The following FBLN1 variants were observed in gnomAD, a reference collection of about 807,000 sequenced individuals.
The protein encoded by FBLN1 is fibulin-1.
FBLN1 carries 34 observed loss-of-function variants against 89.7 expected under a neutral mutation model. The observed-to-expected ratio is 0.38, with a 90% CI of 0.29 to 0.50. FBLN1 has a LOEUF of 0.50. Ranked by LOEUF, FBLN1 falls within the 20% of genes least tolerant of loss-of-function variation. FBLN1 has a pLI of 0.92. For synonymous variants in FBLN1, 393 were observed against 391.3 expected (o/e 1.00, Z -0.05); for missense variants, 777 against 988.1 (o/e 0.79, Z 2.86).
intron 16 of FBLN1, among the ~76,000 whole-genome samples, chr22:45,586,143 G>A (rs772838870): frequency 5.3e-5 from 8 of 152,228 alleles, no homozygotes; most frequent in Non-Finnish European, 8.8e-5. Flanking sequence ...GGACAGCCTG[G>A]GCTGGACCTG....
In FBLN1 at chr22:45,517,672, C is replaced by T. The variant is rs55800403; in HGVS notation, c.80-1010C>T. 1.5e-3 allele frequency: 721 copies of T among 468,348 alleles called. 5 individuals carry two copies. The highest frequency in any genetic ancestry group is 0.013 in the African/African-American group (638 of 50,056). 29.0% of individuals were successfully genotyped at this position (468,348 alleles called of 1,614,324 possible). A position where few individuals can be genotyped will look rare whatever the true frequency, so the allele number is the denominator to read the frequency against. ...CCTCACCAGACTTCTCACAGGTCCC[C>T]GTTTCTGTGGAAGAGGGGATCTTGT... On this transcript the variant is annotated intron_variant, in intron 1 of 16. Coordinates refer to ENST00000327858, the MANE Select transcript of FBLN1 (RefSeq NM_006486.3).
At chr22:45,571,500 G>A (rs1470103477) in intron 14 of FBLN1, among the ~76,000 whole-genome samples, 2 of 152,174 alleles carry the variant, frequency 1.3e-5, no homozygotes, top group Non-Finnish European at 1.5e-5. Context: ...CGAATAGGGA[G>A]AGCATATCAA....
intron 1 of FBLN1, chr22:45,503,548 C>T (rs1279144644): frequency 6.6e-6 from 1 of 152,380 alleles, no homozygotes; most frequent in East Asian, 1.9e-4. Flanking sequence ...GGGTGGGAAG[C>T]AGTCTTTTCC....
chr22:45,528,592 G>A (rs1215499406), intron 4 of FBLN1, among the ~76,000 whole-genome samples: 1 of 152,100 alleles, frequency 6.6e-6, no homozygotes, highest in Non-Finnish European at 1.5e-5. Context: ...TAATCCACCT[G>A]CCTCAGCTTC....
Position 45,536,479 on chromosome 22 carries a change from C to G in FBLN1, c.922+1142C>G, listed in dbSNP as rs777120745. ...TAGTTCACCACAATGAGAAAAGAAA[C>G]TCTGGCCAGGCACGGTGGCTCACAC... On this transcript the variant is annotated intron_variant, in intron 8 of 16. Transcript: ENST00000327858. This position sits in a 1 kb window ranked among gnomAD's most constrained non-coding sequence, Gnocchi z 5.1. Among the ~76,000 whole-genome samples, 16 of 152,078 alleles carry G rather than the reference C, an allele frequency of 1.1e-4. No homozygotes were observed. Among genetic ancestry groups the G allele is most frequent in the East Asian group, 1.9e-4 (1 of 5,160 alleles).
At chr22:45,587,954 C>G (rs2089102808) in intron 16 of FBLN1, among the ~76,000 whole-genome samples, 1 of 152,108 alleles carries the variant, frequency 6.6e-6, no homozygotes, top group African/African-American at 2.4e-5. Flanking sequence ...TACTCATTCT[C>G]CCAACGAGTA....
rs2089130707 is a variant in FBLN1 at position 45,590,888 on chromosome 22, T to G, written c.1973-9419T>G. The stretch of plus-strand genomic sequence containing the variant: ...CGTGCTTGGATTTGAATTGTCCATC[T>G]GGGAGGGGCGTCTGGAGAAATTGGA... On this transcript the variant is annotated intron_variant, in intron 16 of 16. Transcript: ENST00000327858. The surrounding 1 kb of genome is among the most constrained non-coding windows in gnomAD (Gnocchi z 4.1). Among the ~76,000 whole-genome samples the G allele has an allele frequency of 6.6e-6, 1 of 151,960 alleles. No individual in the cohort carries two copies. The highest frequency in any genetic ancestry group is 2.4e-5 in the African/African-American group (1 of 41,366).
In FBLN1 at chr22:45,590,972, G is replaced by A. The variant is rs959828725; in HGVS notation, c.1973-9335G>A. The stretch of plus-strand genomic sequence containing the variant: ...GACCCCACCCAGCAGGTAGGTGGGT[G>A]GAGGCTGAGGTCGGCTCAGGAGACA... On this transcript the variant is annotated intron_variant, in intron 16 of 16. Coordinates refer to ENST00000327858, the MANE Select transcript of FBLN1 (RefSeq NM_006486.3). The surrounding 1 kb of genome is among the most constrained non-coding windows in gnomAD (Gnocchi z 4.1). 3.9e-5 allele frequency among the ~76,000 whole-genome samples: 6 copies of A among 152,274 alleles called. No homozygotes were observed. The highest frequency in any genetic ancestry group is 1.9e-4 in the East Asian group (1 of 5,166).
chr22:45,555,541 G>T (rs375775716), intron 14 of FBLN1, among the ~76,000 whole-genome samples: 2 of 152,062 alleles, frequency 1.3e-5, no homozygotes, highest in Admixed American at 6.6e-5. Context: ...TGCTGTAGCC[G>T]TGCTGGCAGC....
intron 11 of FBLN1, among the ~76,000 whole-genome samples, chr22:45,546,294 T>C (rs951463577): frequency 1.3e-5 from 2 of 152,246 alleles, no homozygotes; most frequent in Non-Finnish European, 2.9e-5. Context: ...CTTGGCTCAC[T>C]GCAACCTCTG....
In FBLN1 at chr22:45,575,621, G is replaced by A. The variant is rs1337142891; in HGVS notation, c.1840+968G>A. Among the ~76,000 whole-genome samples the A allele has an allele frequency of 2.0e-5, 3 of 152,134 alleles. No individual in the cohort carries two copies. Among genetic ancestry groups the A allele is most frequent in the Non-Finnish European group, 4.4e-5 (3 of 68,032 alleles). On this transcript the variant is annotated intron_variant, in intron 15 of 16. Coordinates refer to ENST00000327858, the MANE Select transcript of FBLN1 (RefSeq NM_006486.3). The surrounding 1 kb of genome is among the most constrained non-coding windows in gnomAD (Gnocchi z 6.3). Reference sequence around the variant, plus strand: ...CAGACGGGGAGCAGGAAGCTCAGGTGTAACCCAGTCAGTGCTCCCACACCC... The same window carrying A: ...CAGACGGGGAGCAGGAAGCTCAGGTATAACCCAGTCAGTGCTCCCACACCC...
At chr22:45,533,249 C>T (rs1056964436) in intron 6 of FBLN1, 85 bp downstream of exon 6, 11 of 1,245,482 alleles carry the variant, frequency 8.8e-6, no homozygotes, top group Non-Finnish European at 1.2e-5. Context: ...CAGGGCCTGC[C>T]TTCTACAACC....
intron 14 of FBLN1, among the ~76,000 whole-genome samples, chr22:45,569,768 C>A (rs529904478): frequency 6.6e-6 from 1 of 152,264 alleles, no homozygotes; most frequent in South Asian, 2.1e-4. Context: ...AAGAGAGAGG[C>A]CTCAGAAAGA....
At chr22:45,586,551 C>T (rs982169058) in intron 16 of FBLN1, among the ~76,000 whole-genome samples, 1 of 152,238 alleles carries the variant, frequency 6.6e-6, no homozygotes, top group Non-Finnish European at 1.5e-5. Flanking sequence ...GTCTGCCTTG[C>T]ACAAAGGCAG....
At position 45,535,154 on chromosome 22, in the gene FBLN1, C is replaced by T. The variant is rs527820999; in HGVS notation, c.785-46C>T. ...GATTTTAAAGTGTTGTAAGATGCTT[C>T]TGGCAGGACTCTTGCTAACAATTTC... On this transcript the variant is annotated intron_variant, in intron 7 of 16. Coordinates refer to ENST00000327858, the MANE Select transcript of FBLN1 (RefSeq NM_006486.3). 8 of 1,611,922 alleles carry T rather than the reference C, an allele frequency of 5.0e-6. No homozygotes were observed. In the East Asian group the frequency reaches 1.1e-4, roughly 22 times the overall value.
intron 1 of FBLN1, among the ~76,000 whole-genome samples, chr22:45,513,984 G>C (rs970134230): frequency 6.6e-6 from 1 of 152,018 alleles, no homozygotes; most frequent in African/African-American, 2.4e-5. Flanking sequence ...GTAGAGACGG[G>C]GTTTCACCAT....
rs1368799261 is a variant in FBLN1, at chr22:45,531,861, C to T, written c.544+537C>T. 6.6e-6 allele frequency among the ~76,000 whole-genome samples: 1 copy of T among 152,230 alleles called. No individual in the cohort carries two copies. Among genetic ancestry groups the T allele is most frequent in the East Asian group, 1.9e-4 (1 of 5,200 alleles). On this transcript the variant is annotated intron_variant, in intron 5 of 16. Transcript: ENST00000327858. The surrounding 1 kb of genome is among the most constrained non-coding windows in gnomAD (Gnocchi z 4.9). ...CAGGCCTTGTGAAGGTGACAGAGGC[C>T]TCCCTCAGGCTCTCAGGGGAGAGGA...
chr22:45,508,042 G>A (rs535631680), intron 1 of FBLN1, among the ~76,000 whole-genome samples: 86 of 152,164 alleles, frequency 5.7e-4, no homozygotes, highest in African/African-American at 1.6e-3. Context: ...ACGGGGACTC[G>A]AGCACCTTCC....
At position 45,576,587 on chromosome 22, in the gene FBLN1, G is replaced by A. The variant is rs1168331567; in HGVS notation, c.1841-390G>A. 6.6e-6 allele frequency among the ~76,000 whole-genome samples: 1 copy of A among 152,040 alleles called. No homozygotes were observed. On this transcript the variant is annotated intron_variant, in intron 15 of 16. Coordinates refer to ENST00000327858, the MANE Select transcript of FBLN1 (RefSeq NM_006486.3). This position sits in a 1 kb window ranked among gnomAD's most constrained non-coding sequence, Gnocchi z 5.2. Reference sequence around the variant, plus strand: ...CCCCTGACCTGTGGCACTATAGATGGGAGAGGAGCCCACCCCTCTGGCCTT... The same window carrying A: ...CCCCTGACCTGTGGCACTATAGATGAGAGAGGAGCCCACCCCTCTGGCCTT...
Sources: allele counts gnomAD v4.1 joint callset (sites outside exome capture counted in the v4.1 genomes callset), GRCh38; gene constraint gnomAD v4.1.1; non-coding constraint Gnocchi (gnomAD v3.1); transcripts MANE v1.5; gene names NCBI Gene and HGNC (gene_info 2026-07-23, HGNC 2026-07-21).